The following RPS6KA2 variants were observed in gnomAD, a reference collection of about 807,000 sequenced individuals.
RPS6KA2 encodes ribosomal protein S6 kinase A2.
RPS6KA2 carries 42 observed loss-of-function variants against 91.8 expected under a neutral mutation model. The observed-to-expected ratio is 0.46, with a 90% CI of 0.36 to 0.59. The LOEUF (loss-of-function observed/expected upper bound fraction) is 0.59, where lower values mean the gene tolerates loss of function less well. Ranked by LOEUF, RPS6KA2 falls within the 20% of genes least tolerant of loss-of-function variation. The pLI is 0.00. For synonymous variants in RPS6KA2, 414 were observed against 393.6 expected (o/e 1.05, Z -0.61); for missense variants, 798 against 978.5 (o/e 0.82, Z 2.46).
At chr6:166,841,626 G>C (rs1339149696) in intron 2 of RPS6KA2, among the ~76,000 whole-genome samples, 1 of 152,272 alleles carries the variant, frequency 6.6e-6, no homozygotes, top group Non-Finnish European at 1.5e-5. Flanking sequence ...CCAGCCTCCA[G>C]AGGCCCACAG....
At position 166,626,952 on chromosome 6, in the gene RPS6KA2, C is replaced by A; in HGVS notation, c.68G>T (p.Arg23Leu). The A allele has an allele frequency of 1.3e-6, 2 of 1,562,590 alleles. No homozygotes were observed. The highest frequency in any genetic ancestry group is 2.5e-5 in the East Asian group (1 of 39,990). The change falls in exon 1 of 21, where the codon CGC (arginine) becomes CTC (leucine). Residue 23 changes from arginine to leucine, a missense_variant. Coordinates refer to ENST00000265678, the MANE Select transcript of RPS6KA2 (RefSeq NM_021135.6). This position sits in a 1 kb window ranked among gnomAD's most constrained non-coding sequence, Gnocchi z 4.1. ...FFSVYLRRKSRSKSSSLSRLE... is the reference protein window; with the variant it reads ...FFSVYLRRKSLSKSSSLSRLE... ...CCGGCTCAGGCTGGAGCTCTTGGAG[C>A]GCGACTTCCTGCGCAGGTACACAGA...
chr6:166,455,315 C>T (rs540872150), intron 12 of RPS6KA2, among the ~76,000 whole-genome samples: 6 of 152,268 alleles, frequency 3.9e-5, no homozygotes, highest in African/African-American at 1.2e-4. Flanking sequence ...CCGGGCCCCA[C>T]GCCGCGTGGG....
chr6:166,530,277 T>C (rs1783219932), intron 3 of RPS6KA2, among the ~76,000 whole-genome samples: 1 of 152,178 alleles, frequency 6.6e-6, no homozygotes, highest in African/African-American at 2.4e-5. Context: ...AAAGTCTCCC[T>C]ACCCTGCAGG....
chr6:166,845,526 G>A (rs1780582933), intron 2 of RPS6KA2, among the ~76,000 whole-genome samples: 1 of 152,134 alleles, frequency 6.6e-6, no homozygotes, highest in Non-Finnish European at 1.5e-5. Context: ...TCAGACCACA[G>A]TGGAATAAAA....
At chr6:166,844,805 CA>C (rs1446185655) in intron 2 of RPS6KA2, among the ~76,000 whole-genome samples, 1 of 151,986 alleles carries the variant, frequency 6.6e-6, no homozygotes, top group Non-Finnish European at 1.5e-5. Flanking sequence ...CTAAATACAC[CA>C]AAATAGAAAC....
chr6:166,753,300 C>T (rs900628823), intron 2 of RPS6KA2, among the ~76,000 whole-genome samples: 4 of 152,344 alleles, frequency 2.6e-5, no homozygotes, highest in Non-Finnish European at 5.9e-5. Flanking sequence ...TACAGCAGCA[C>T]TCAACTGACT....
At chr6:166,746,739 T>C (rs1231228210) in intron 2 of RPS6KA2, among the ~76,000 whole-genome samples, 2 of 152,164 alleles carry the variant, frequency 1.3e-5, no homozygotes, top group Non-Finnish European at 2.9e-5. Context: ...TGTCTTCCAC[T>C]AATTTCAACT....
rs533941378 is a variant in RPS6KA2 at position 166,617,544 on chromosome 6, C to G, written c.99+9377G>C. ...CCACCTCATGCTGTTATGTGGTTCT[C>G]TCGTGGCTTCTGAGTAATTTGACTT... On this transcript the variant is annotated intron_variant, in intron 1 of 20. Coordinates refer to ENST00000265678, the MANE Select transcript of RPS6KA2 (RefSeq NM_021135.6). Among the ~76,000 whole-genome samples, 7 of 152,296 alleles carry G rather than the reference C, an allele frequency of 4.6e-5. No individual in the cohort carries two copies. In the East Asian group the frequency reaches 1.4e-3, roughly 29 times the overall value.
rs1787709366 is a variant in RPS6KA2 at position 166,648,094 on chromosome 6, GCT to G, written c.124-109312_124-109311del. 2.2e-5 allele frequency among the ~76,000 whole-genome samples: 3 copies of G among 137,176 alleles called. No homozygotes were observed. The highest frequency in any genetic ancestry group is 7.5e-5 in the Admixed American group (1 of 13,352). The allele number at this position is 137,176 out of a possible 152,430, so 90.0% of individuals were successfully genotyped here. ...CACACGCACATGGTCATACACACAC[GCT>G]CATACACACACGTGCACACACACGC... On this transcript the variant is annotated intron_variant, in intron 2 of 21. Transcript: ENST00000503859. The surrounding 1 kb of genome is among the most constrained non-coding windows in gnomAD (Gnocchi z 4.8).
intron 1 of RPS6KA2, among the ~76,000 whole-genome samples, chr6:166,575,193 A>AT (rs1261064109): frequency 3.3e-5 from 5 of 152,188 alleles, no homozygotes; most frequent in Admixed American, 3.3e-4. Context: ...TGGAGGAAAG[A>AT]TTTTCAACAC....
intron 1 of RPS6KA2, among the ~76,000 whole-genome samples, chr6:166,549,180 C>A (rs565287329): frequency 4.6e-5 from 7 of 152,146 alleles, no homozygotes; most frequent in Non-Finnish European, 1.0e-4. Flanking sequence ...CATCAAACAT[C>A]GGTGAGGATG....
intron 2 of RPS6KA2, among the ~76,000 whole-genome samples, chr6:166,683,063 C>T (rs1788885227): frequency 6.6e-6 from 1 of 152,160 alleles, no homozygotes; most frequent in Admixed American, 6.5e-5. Flanking sequence ...CTCGGTGAAG[C>T]CCAGCCTGAG....
At chr6:166,721,929 G>A (rs929930197) in intron 2 of RPS6KA2, among the ~76,000 whole-genome samples, 17 of 152,266 alleles carry the variant, frequency 1.1e-4, no homozygotes, top group African/African-American at 3.6e-4. Flanking sequence ...CTTCCTCGCC[G>A]GCAGGGATAC....
At chr6:166,789,613 C>A (rs9457214) in intron 2 of RPS6KA2, among the ~76,000 whole-genome samples, 24,761 of 152,214 alleles carry the variant, frequency 0.16, 2,158 homozygotes, top group African/African-American at 0.19. Context: ...AGACACCCCC[C>A]AGTAGGGGCA....
chr6:166,698,683 G>A (rs1374497227), intron 2 of RPS6KA2, among the ~76,000 whole-genome samples: 2 of 152,188 alleles, frequency 1.3e-5, no homozygotes, highest in Non-Finnish European at 2.9e-5. Flanking sequence ...TATTGCAATA[G>A]AGTAGTTACT....
intron 3 of RPS6KA2, among the ~76,000 whole-genome samples, chr6:166,527,919 T>C (rs1265332518): frequency 6.6e-6 from 1 of 152,244 alleles, no homozygotes; most frequent in Non-Finnish European, 1.5e-5. Context: ...TTCCGTTGAA[T>C]AGATAGACAC....
chr6:166,834,906 C>T (rs1038627001), intron 2 of RPS6KA2, among the ~76,000 whole-genome samples: 1 of 151,918 alleles, frequency 6.6e-6, no homozygotes, highest in Non-Finnish European at 1.5e-5. Flanking sequence ...AAACTTTTGC[C>T]TAAACCAGCG....
rs111294608 is a variant in RPS6KA2 at position 166,557,038 on chromosome 6, C to T, written c.100-18254G>A. On this transcript the variant is annotated intron_variant, in intron 1 of 20. Transcript: ENST00000265678. The surrounding 1 kb of genome is among the most constrained non-coding windows in gnomAD (Gnocchi z 4.8). ...AACCTGCATGCCAGCAACCAGACCACGGGGCATTAGCCGGGGCTGACTCAT... is the reference window on the plus strand; with the variant it reads ...AACCTGCATGCCAGCAACCAGACCATGGGGCATTAGCCGGGGCTGACTCAT... 0.016 allele frequency among the ~76,000 whole-genome samples: 2,502 copies of T among 152,310 alleles called. 62 individuals carry two copies. The highest frequency in any genetic ancestry group is 0.055 in the African/African-American group (2,288 of 41,560).
At chr6:166,504,354 C>CCGGTCCTG in intron 6 of RPS6KA2, 152 bp downstream of exon 6, 1 of 542,140 alleles carries the variant, frequency 1.8e-6, no homozygotes, top group Non-Finnish European at 3.3e-6. Flanking sequence ...GATGCCTGAG[C>CCGGTCCTG]CGGTCCTGCC....
Sources: gnomAD v4.1 joint callset for allele counts (sites outside exome capture counted in the v4.1 genomes callset) on GRCh38, gnomAD v4.1.1 for gene constraint, Gnocchi (gnomAD v3.1) non-coding constraint, MANE v1.5 for transcripts, NCBI Gene and HGNC (gene_info 2026-07-23, HGNC 2026-07-21) for gene names.